CABIN1: variants seen among roughly 807,000 people sequenced by gnomAD.
CABIN1 encodes the protein calcineurin binding protein 1, also known as calcineurin-binding protein cabin-1.
In CABIN1, 133 loss-of-function variants were observed where a neutral mutation model predicts 227.7. The ratio of observed to expected loss-of-function variants is 0.58; its 90% CI spans 0.51 to 0.67. The LOEUF is 0.67. CABIN1 is among the 30% of genes least tolerant of loss of function. The probability of loss-of-function intolerance (pLI) is 0.00; values close to 1 mark genes in which losing one functional copy is unlikely to be tolerated. For synonymous variants in CABIN1, 1,086 were observed against 1,155.1 expected, an observed-to-expected ratio of 0.94 and a Z score of 1.21; for missense variants, 2,408 against 2,852.5, an observed-to-expected ratio of 0.84 and a Z score of 3.55.
At chr22:24,077,096 A>G (rs893028125) in intron 19 of CABIN1, among the ~76,000 whole-genome samples, 1 of 152,218 alleles carries the variant, frequency 6.6e-6, no homozygotes, top group African/African-American at 2.4e-5. Flanking sequence ...TGGCCCTTTA[A>G]GAAAACGTTT....
At chr22:24,079,921 G>A (rs531445531) in intron 19 of CABIN1, among the ~76,000 whole-genome samples, 6 of 152,034 alleles carry the variant, frequency 3.9e-5, no homozygotes, top group African/African-American at 1.4e-4. Context: ...TATGTGTATG[G>A]TATTTGTTTT....
chr22:24,100,633 A>G (rs2042150967), intron 26 of CABIN1, among the ~76,000 whole-genome samples: 1 of 152,204 alleles, frequency 6.6e-6, no homozygotes, highest in Admixed American at 6.5e-5. Flanking sequence ...CCCTTATACT[A>G]CCAGGAGGGT....
In CABIN1 at chr22:24,176,066, G is replaced by A. The variant is rs5760236; in HGVS notation, c.6041-45G>A. 99,285 of 1,588,050 alleles carry A rather than the reference G, an allele frequency of 0.063. 3,474 individuals are homozygous for A. Among genetic ancestry groups the A allele is most frequent in the South Asian group, 0.11 (9,581 of 87,816 alleles). ...CTGACACAGATGCGTTGGAGCCTGCGGGGTGGATGAGTCTATTACCTGCAG... is the reference window on the plus strand; with the variant it reads ...CTGACACAGATGCGTTGGAGCCTGCAGGGTGGATGAGTCTATTACCTGCAG... On this transcript the variant is annotated intron_variant, in intron 34 of 36. Coordinates refer to ENST00000263119, the MANE Select transcript of CABIN1 (RefSeq NM_012295.4).
intron 22 of CABIN1, among the ~76,000 whole-genome samples, chr22:24,086,027 G>A (rs149419831): frequency 6.6e-6 from 1 of 152,224 alleles, no homozygotes; most frequent in African/African-American, 2.4e-5. Flanking sequence ...GAAGAGAAGG[G>A]ACTGGGTGTG....
intron 29 of CABIN1, among the ~76,000 whole-genome samples, chr22:24,150,040 G>A (rs914725192): frequency 6.6e-6 from 1 of 152,216 alleles, no homozygotes; most frequent in Non-Finnish European, 1.5e-5. Flanking sequence ...GCGTTGTGGA[G>A]GCCTTTGACA....
intron 17 of CABIN1, chr22:24,071,320 G>C (rs1258368649): frequency 2.0e-6 from 1 of 494,514 alleles, no homozygotes; most frequent in Non-Finnish European, 3.7e-6. Flanking sequence ...ATAACCTCAC[G>C]GGGAGGCCCT....
chr22:24,081,014 G>T (rs1024989458), intron 19 of CABIN1, among the ~76,000 whole-genome samples: 7 of 152,120 alleles, frequency 4.6e-5, no homozygotes, highest in African/African-American at 1.4e-4. Context: ...AGGTTCTAGG[G>T]TCTCTGTTGG....
rs201935366 is a variant in CABIN1, at chr22:24,036,045, C to T, written c.4-44C>T. 6.1e-5 allele frequency: 79 copies of T among 1,284,734 alleles called. No homozygotes were observed. In the East Asian group the frequency reaches 1.8e-3, roughly 29 times the overall value. The allele number at this position is 1,284,734 out of a possible 1,614,324, so 79.6% of individuals were successfully genotyped here. ...TGTGGGTATTTGAAGAGATGAGTGA[C>T]ATCTCAAAGCAACTTGTCTCTTCCA... is the stretch of plus-strand genomic sequence containing the variant. On this transcript the variant is annotated intron_variant, in intron 2 of 36. Transcript: ENST00000263119.
intron 7 of CABIN1, among the ~76,000 whole-genome samples, chr22:24,050,317 A>G (rs1323001739): frequency 6.6e-6 from 1 of 152,182 alleles, no homozygotes; most frequent in East Asian, 1.9e-4. Flanking sequence ...GCACCAGGAC[A>G]GTCTGGGCAG....
chr22:24,140,047 G>A (rs2044659579), intron 29 of CABIN1, among the ~76,000 whole-genome samples: 1 of 152,262 alleles, frequency 6.6e-6, no homozygotes, highest in Non-Finnish European at 1.5e-5. Context: ...CATGCAGGGT[G>A]GGGTGCTGCT....
At chr22:24,027,593 GTTAA>G (rs1479124635) in intron 1 of CABIN1, among the ~76,000 whole-genome samples, 1 of 152,240 alleles carries the variant, frequency 6.6e-6, no homozygotes, top group Non-Finnish European at 1.5e-5. Flanking sequence ...ACCTTTAAGA[GTTAA>G]TTAGGTCATG....
chr22:24,012,384 G>A (rs2034884992), intron 1 of CABIN1, among the ~76,000 whole-genome samples: 1 of 152,110 alleles, frequency 6.6e-6, no homozygotes, highest in African/African-American at 2.4e-5. Context: ...GTACAAAAAG[G>A]GTGGGCTGGT....
chr22:24,076,405 GC>G, intron 19 of CABIN1, 121 bp downstream of exon 19: 1 of 759,146 alleles, frequency 1.3e-6, no homozygotes, highest in Admixed American at 2.0e-5. Flanking sequence ...CCCTCAGTGG[GC>G]CCACTGTGTG....
chr22:24,095,939 TC>T lies in CABIN1; in HGVS notation c.3796del (p.Arg1266GlyfsTer7). 6.2e-7 allele frequency: 1 copy of T among 1,614,092 alleles called. No individual in the cohort carries two copies. The highest frequency in any genetic ancestry group is 1.1e-5 in the South Asian group (1 of 91,082). ...AGGTGTCGTTCTCCTAGGTGTACTT[TC>T]GGCTCCATGCTTCCATCCTGAAGCT... ...LAMEALEVYF[R>X]LHASILKLLG... On this transcript the variant is annotated frameshift_variant, in exon 25 of 37. Transcript: ENST00000263119. LOFTEE classifies it high-confidence loss of function.
chr22:24,164,080 C>T (rs1602439512), intron 29 of CABIN1, among the ~76,000 whole-genome samples: 1 of 152,234 alleles, frequency 6.6e-6, no homozygotes, highest in Non-Finnish European at 1.5e-5. Context: ...GGGCCTCTCA[C>T]TGTCTGTCCT....
intron 14 of CABIN1, 112 bp downstream of exon 14, chr22:24,063,258 GCATGCATGTGTA>G (rs1218450728): frequency 6.6e-6 from 7 of 1,057,856 alleles, no homozygotes; most frequent in African/African-American, 1.6e-5. Context: ...GTGTGTGTGT[GCATGCATGTGTA>G]CATGCATAGC....
chr22:24,091,459 G>A (rs1415301921), intron 23 of CABIN1, 124 bp from the exon 24 acceptor site: 1 of 1,206,480 alleles, frequency 8.3e-7, no homozygotes, highest in East Asian at 2.4e-5. Flanking sequence ...GGGCATTTCT[G>A]TGTCTTGGTT....
chr22:24,157,335 A>T (rs2045892553), intron 29 of CABIN1, among the ~76,000 whole-genome samples: 1 of 152,108 alleles, frequency 6.6e-6, no homozygotes, highest in Non-Finnish European at 1.5e-5. Flanking sequence ...TCCTGCCTCT[A>T]AAGGCTTCGG....
At chr22:24,134,048 C>T (rs2148188976) in intron 28 of CABIN1, among the ~76,000 whole-genome samples, 1 of 152,308 alleles carries the variant, frequency 6.6e-6, no homozygotes, top group South Asian at 2.1e-4. Flanking sequence ...CTGTCAGTCT[C>T]CACCTTGAGG....
Sources: gnomAD v4.1 joint callset for allele counts (sites outside exome capture counted in the v4.1 genomes callset) on GRCh38, gnomAD v4.1.1 for gene constraint, MANE v1.5 for transcripts, NCBI Gene and HGNC (gene_info 2026-07-23, HGNC 2026-07-21) for gene names.